RYR2: variants seen among roughly 807,000 people sequenced by gnomAD.
RYR2 encodes ryanodine receptor 2.
A neutral mutation model predicts 601.1 loss-of-function variants in RYR2; 227 were observed. That is an observed-to-expected ratio of 0.38 (90% CI 0.34 to 0.42). The LOEUF is 0.42. Ranked by LOEUF, RYR2 falls within the 10% of genes least tolerant of loss-of-function variation. The pLI is 1.00. For missense variants in RYR2, 4,646 were observed against 6,156.5 expected (o/e 0.75, Z 8.21); for synonymous variants, 2,223 against 2,175.1 (o/e 1.02, Z -0.61).
intron 1 of RYR2, among the ~76,000 whole-genome samples, chr1:237,267,042 C>T (rs1003416280): frequency 2.6e-5 from 4 of 152,166 alleles, no homozygotes; most frequent in African/African-American, 9.7e-5. Context: ...GATAGGATAG[C>T]TTAATATAGT....
chr1:237,352,790 G>A (rs1260978583), intron 3 of RYR2: 1 of 480,590 alleles, frequency 2.1e-6, no homozygotes, highest in East Asian at 5.8e-5. Context: ...GTGTCTTGAT[G>A]CATTAGTAAG....
At chr1:237,217,632 G>A (rs1683335003) in intron 1 of RYR2, among the ~76,000 whole-genome samples, 1 of 152,204 alleles carries the variant, frequency 6.6e-6, no homozygotes. Flanking sequence ...CTCAGTACAT[G>A]TCAGCGGTGG....
chr1:237,294,333 A>G (rs1692532413), intron 2 of RYR2, among the ~76,000 whole-genome samples: 1 of 152,062 alleles, frequency 6.6e-6, no homozygotes, highest in Non-Finnish European at 1.5e-5. Flanking sequence ...GCCACTCAGT[A>G]TTTTAAAAAT....
In RYR2 at chr1:237,590,742, C is replaced by T. The variant is rs555317545; in HGVS notation, c.3910C>T (p.Leu1304=). ...CAACACTGATATCATGTTTTATCGC[C>T]TGAGCATGCCGATCGAGTGCGCGGA... ...NSNTDIMFYR[L]SMPIECAEVF... is the part of the protein sequence containing the mutation. The change falls in exon 31 of 105, where the codon CTG becomes TTG. Residue 1304 remains leucine (L), a synonymous_variant. Transcript: ENST00000366574. 1.9e-6 allele frequency: 3 copies of T among 1,613,464 alleles called. No homozygotes were observed. Among genetic ancestry groups the T allele is most frequent in the East Asian group, 4.5e-5 (2 of 44,854 alleles).
intron 35 of RYR2, among the ~76,000 whole-genome samples, chr1:237,606,292 A>T (rs1677115278): frequency 1.3e-5 from 2 of 152,234 alleles, no homozygotes. Flanking sequence ...ATCTTTGACA[A>T]ACCTGACAAA....
intron 10 of RYR2, among the ~76,000 whole-genome samples, chr1:237,401,762 G>T (rs1395142945): frequency 1.3e-5 from 2 of 152,114 alleles, no homozygotes; most frequent in Non-Finnish European, 2.9e-5. Context: ...TAGATGTTGT[G>T]CTGGATCAAA....
At chr1:237,451,771 C>T (rs988151222) in intron 14 of RYR2, among the ~76,000 whole-genome samples, 2 of 151,888 alleles carry the variant, frequency 1.3e-5, no homozygotes, top group Non-Finnish European at 2.9e-5. Context: ...ATATTTTCAC[C>T]CATGTATTTT....
chr1:237,660,179 T>A (rs933639187), intron 55 of RYR2, 105 bp downstream of exon 55: 11 of 569,052 alleles, frequency 1.9e-5, no homozygotes, highest in Non-Finnish European at 2.7e-5. Flanking sequence ...ATTTTAAATT[T>A]CACATTTTTT....
In RYR2 at chr1:237,270,500, G is replaced by A; in HGVS notation, c.52G>A (p.Asp18Asn). 6.3e-7 allele frequency: 1 copy of A among 1,577,998 alleles called. No individual in the cohort carries two copies. The highest frequency in any genetic ancestry group is 8.6e-7 in the Non-Finnish European group (1 of 1,160,980). ...EDEIQFLRTD[D>N]EVVLQCTATI... is the part of the protein sequence containing the mutation. ...CTCTCTTTCTCCCCCTTTGCAGGAT[G>A]ATGAAGTGGTTCTGCAGTGCACCGC... is the stretch of plus-strand genomic sequence containing the variant. Residue 18 changes from aspartate (D) to asparagine (N), a missense_variant, in exon 2 of 105, where the codon GAT becomes AAT. Physicochemically the swap from Asp to Asn is conservative, Grantham distance 23. Around this residue, in one of 17 missense-constraint regions of RYR2, gnomAD observed 153 missense variants for 203.6 expected, o/e 0.75. Coordinates refer to ENST00000366574, the MANE Select transcript of RYR2 (RefSeq NM_001035.3).
intron 2 of RYR2, among the ~76,000 whole-genome samples, chr1:237,310,689 C>A (rs1694463172): frequency 6.6e-6 from 1 of 152,144 alleles, no homozygotes; most frequent in Non-Finnish European, 1.5e-5. Context: ...GTGTCTTTAA[C>A]CTTGGCAAAA....
At chr1:237,570,835 T>A (rs1672609917) in intron 29 of RYR2, among the ~76,000 whole-genome samples, 1 of 152,128 alleles carries the variant, frequency 6.6e-6, no homozygotes, top group Admixed American at 6.5e-5. Flanking sequence ...AATTATATAA[T>A]TATCTTATTT....
At chr1:237,789,489 T>A (rs994565852) in intron 92 of RYR2, among the ~76,000 whole-genome samples, 1 of 93,550 alleles carries the variant, frequency 1.1e-5, no homozygotes, top group Non-Finnish European at 2.6e-5. Flanking sequence ...CCTAATTTGG[T>A]ATGCCATAAT....
At chr1:237,815,414 A>G (rs1206437497) in intron 100 of RYR2, among the ~76,000 whole-genome samples, 2 of 152,232 alleles carry the variant, frequency 1.3e-5, no homozygotes, top group African/African-American at 4.8e-5. Flanking sequence ...ACAGTTGTCT[A>G]AGGCTGACCA....
intron 1 of RYR2, among the ~76,000 whole-genome samples, chr1:237,251,454 C>CT (rs1165848097): frequency 1.3e-5 from 2 of 152,158 alleles, no homozygotes; most frequent in Non-Finnish European, 2.9e-5. Flanking sequence ...ACCTGGTTGA[C>CT]TATTTTTTCT....
chr1:237,461,015 GA>G (rs759879174), intron 16 of RYR2, among the ~76,000 whole-genome samples: 3 of 152,112 alleles, frequency 2.0e-5, no homozygotes, highest in Non-Finnish European at 2.9e-5. Flanking sequence ...AGATGTCCTA[GA>G]AAAGAAACTT....
At chr1:237,654,558 T>A in intron 52 of RYR2, 144 bp downstream of exon 52, 1 of 766,974 alleles carries the variant, frequency 1.3e-6, no homozygotes, top group Non-Finnish European at 2.0e-6. Flanking sequence ...CTCAACTTCA[T>A]AACAAATGTT....
intron 8 of RYR2, among the ~76,000 whole-genome samples, chr1:237,383,417 G>GTTTTTTTTTTTTTTT (rs10567644): frequency 9.9e-5 from 5 of 50,582 alleles, no homozygotes; most frequent in Non-Finnish European, 1.5e-4. Context: ...CTTTTTTCTT[G>GTTTTTTTTTTTTTTT]TTTTTTTTTT....
At chr1:237,316,456 T>C (rs1695122674) in intron 2 of RYR2, among the ~76,000 whole-genome samples, 1 of 152,198 alleles carries the variant, frequency 6.6e-6, no homozygotes. Context: ...ATATCTCTGG[T>C]GATATCTTAG....
chr1:237,370,315 C>T (rs1700536733), intron 6 of RYR2, among the ~76,000 whole-genome samples: 1 of 151,924 alleles, frequency 6.6e-6, no homozygotes, highest in Non-Finnish European at 1.5e-5. Context: ...TATTAATATC[C>T]CCCTGTTGAC....
Sources: allele counts gnomAD v4.1 joint callset (sites outside exome capture counted in the v4.1 genomes callset), GRCh38; gene constraint gnomAD v4.1.1; regional missense constraint gnomAD v4.1.1; transcripts MANE v1.5; gene names NCBI Gene and HGNC (gene_info 2026-07-23, HGNC 2026-07-21).